Variants in PIK3C2A observed in about 807,000 individuals in gnomAD.
PIK3C2A encodes phosphatidylinositol 4-phosphate 3-kinase C2 domain-containing subunit alpha.
A neutral mutation model predicts 204.5 loss-of-function variants in PIK3C2A; 97 were observed. The ratio of observed to expected loss-of-function variants is 0.47; its 90% CI spans 0.40 to 0.56. PIK3C2A has a LOEUF of 0.56. Ranked by LOEUF, PIK3C2A falls within the 20% of genes least tolerant of loss-of-function variation. The probability of loss-of-function intolerance (pLI) is 0.00; values close to 1 mark genes in which losing one functional copy is unlikely to be tolerated. For synonymous variants in PIK3C2A, 653 were observed against 664.4 expected (o/e 0.98, Z 0.26); for missense variants, 1,735 against 1,969.2 (o/e 0.88, Z 2.25).
chr11:17,117,197 T>C (rs1309705340), intron 19 of PIK3C2A, among the ~76,000 whole-genome samples: 1 of 152,082 alleles, frequency 6.6e-6, no homozygotes, highest in Non-Finnish European at 1.5e-5. Context: ...GTGATGAAAA[T>C]ACTGTGGACT....
chr11:17,163,427 G>A (rs907429915), intron 2 of PIK3C2A, among the ~76,000 whole-genome samples: 2 of 152,062 alleles, frequency 1.3e-5, no homozygotes, highest in Non-Finnish European at 2.9e-5. Context: ...TAGACACAGG[G>A]TCTCATTCTG....
chr11:17,157,086 G>A (rs1464819257), intron 2 of PIK3C2A, among the ~76,000 whole-genome samples: 4 of 152,170 alleles, frequency 2.6e-5, no homozygotes, highest in African/African-American at 7.2e-5. Flanking sequence ...GCTCCCATTT[G>A]CACCTAGCAT....
chr11:17,185,790 A>G (rs1851732086), intron 1 of PIK3C2A, among the ~76,000 whole-genome samples: 1 of 152,118 alleles, frequency 6.6e-6, no homozygotes, highest in Admixed American at 6.5e-5. Context: ...CCAATTAATC[A>G]TCATCTCTTG....
intron 22 of PIK3C2A, among the ~76,000 whole-genome samples, chr11:17,106,210 G>C (rs1848810827): frequency 6.6e-6 from 1 of 151,584 alleles, no homozygotes; most frequent in Non-Finnish European, 1.5e-5. Context: ...TCAGGAGTTT[G>C]AGACCATCCT....
chr11:17,136,678 A>G (rs965130843), intron 8 of PIK3C2A, 53 bp from the exon 9 acceptor site: 6 of 1,007,520 alleles, frequency 6.0e-6, no homozygotes, highest in Non-Finnish European at 8.7e-6. Context: ...TAAAGGACCA[A>G]TTCCAGAGAC....
At chr11:17,120,210 A>G (rs1207216918) in intron 15 of PIK3C2A, among the ~76,000 whole-genome samples, 1 of 152,172 alleles carries the variant, frequency 6.6e-6, no homozygotes, top group Non-Finnish European at 1.5e-5. Context: ...TAGGAAAATG[A>G]AGGATAATTC....
At chr11:17,199,744 G>A (rs1166113863) in intron 1 of PIK3C2A, among the ~76,000 whole-genome samples, 1 of 152,110 alleles carries the variant, frequency 6.6e-6, no homozygotes, top group Non-Finnish European at 1.5e-5. Flanking sequence ...GGCCAACATG[G>A]TGAAACCCTG....
intron 24 of PIK3C2A, among the ~76,000 whole-genome samples, chr11:17,101,835 C>A (rs1487603679): frequency 1.3e-5 from 2 of 151,810 alleles, no homozygotes; most frequent in Non-Finnish European, 1.5e-5. Flanking sequence ...GATCTCCTGA[C>A]CTTGTGATCC....
In PIK3C2A at chr11:17,157,504, G is replaced by T. The variant is rs1380440091; in HGVS notation, c.1066-1875C>A. Among the ~76,000 whole-genome samples, 4 of 150,356 alleles carry T rather than the reference G, an allele frequency of 2.7e-5. No homozygotes were observed. The East Asian group carries it at 7.7e-4, about 29-fold the overall frequency. ...AAATTCAAAGAGAAATGTTTTTGCA[G>T]CCTCTTGGTCTGCAAACATCGTTAT... On this transcript the variant is annotated intron_variant, in intron 2 of 32. Coordinates refer to ENST00000691414, the MANE Select transcript of PIK3C2A (RefSeq NM_002645.4).
chr11:17,124,820 G>C (rs1849472661), intron 13 of PIK3C2A, among the ~76,000 whole-genome samples: 1 of 152,038 alleles, frequency 6.6e-6, no homozygotes, highest in Admixed American at 6.6e-5. Context: ...TTTATTTGTT[G>C]ATGATACCAG....
Position 17,122,710 on chromosome 11 carries a change from C to T in PIK3C2A, c.2503G>A (p.Val835Met). The T allele has an allele frequency of 7.3e-7, 1 of 1,367,864 alleles. No individual in the cohort carries two copies. Among genetic ancestry groups the T allele is most frequent in the Non-Finnish European group, 1.0e-6 (1 of 960,076 alleles). The allele number at this position is 1,367,864 out of a possible 1,614,324, so 84.7% of individuals were successfully genotyped here. Residue 835 changes from valine (V) to methionine (M), a missense_variant, in exon 14 of 33, where the codon GTG becomes ATG. Transcript: ENST00000691414. ...TCAAGAAGTACCATTACCTGTAGCACTATTCTTTCCATGACATATCCTTTT... is the reference window on the plus strand; with the variant it reads ...TCAAGAAGTACCATTACCTGTAGCATTATTCTTTCCATGACATATCCTTTT... The part of the protein sequence containing the change: ...TKKGYVMERI[V>M]LQVDFPSPAF...
intron 25 of PIK3C2A, 102 bp from the exon 26 acceptor site, chr11:17,100,071 A>G: frequency 1.6e-6 from 1 of 644,678 alleles, no homozygotes; most frequent in Non-Finnish European, 2.8e-6. Flanking sequence ...AAAGCAAACA[A>G]AAATAATCAG....
chr11:17,193,561 G>A (rs1220965063), intron 1 of PIK3C2A: 5 of 419,254 alleles, frequency 1.2e-5, no homozygotes, highest in Non-Finnish European at 1.9e-5. Flanking sequence ...AAGAAACTGC[G>A]ATCAAGCCAG....
chr11:17,173,562 A>G (rs180824846), intron 1 of PIK3C2A, among the ~76,000 whole-genome samples: 79 of 152,324 alleles, frequency 5.2e-4, no homozygotes, highest in Middle Eastern at 3.4e-3. Context: ...CCCAAAGCCA[A>G]CCTTTCATTT....
At position 17,169,519 on chromosome 11, in the gene PIK3C2A, G is replaced by A; in HGVS notation, c.223C>T (p.Leu75Phe). The stretch of plus-strand genomic sequence containing the variant: ...GAATCTGATTCAGGAAACACCATGA[G>A]ATCATAATCCTGCTTGTTATAAACC... ...AQVYNKQDYD[L>F]MVFPESDSQK... Residue 75 changes from leucine (L) to phenylalanine (F), a missense_variant, in exon 2 of 33, where the codon CTC (leucine) becomes TTC (phenylalanine). Coordinates refer to ENST00000691414, the MANE Select transcript of PIK3C2A (RefSeq NM_002645.4). 3 of 1,614,032 alleles carry A rather than the reference G, an allele frequency of 1.9e-6. No homozygotes were observed. The highest frequency in any genetic ancestry group is 2.5e-6 in the Non-Finnish European group (3 of 1,179,936).
chr11:17,156,496 C>A (rs1850598052), intron 2 of PIK3C2A, among the ~76,000 whole-genome samples: 1 of 152,130 alleles, frequency 6.6e-6, no homozygotes, highest in South Asian at 2.1e-4. Context: ...AGGTGATCCA[C>A]CTCAGCCTCC....
chr11:17,101,295 GA>G lies in PIK3C2A; in HGVS notation c.3990del (p.Asn1332ThrfsTer5). ...YNLIRKQTNL[F>X]LNLLSLMIPS... ...ATAGTTACCAGTGAAAGGAGGTTAA[GA>G]AAAAGGTTTGTCTGCTTTCTTATCA... On this transcript the variant is annotated frameshift_variant, in exon 25 of 33. Transcript: ENST00000691414. LOFTEE classifies it high-confidence loss of function. The G allele has an allele frequency of 1.3e-6, 2 of 1,548,442 alleles. No individual in the cohort carries two copies. Among genetic ancestry groups the G allele is most frequent in the Non-Finnish European group, 1.8e-6 (2 of 1,134,712 alleles).
At chr11:17,185,613 T>C (rs1851727141) in intron 1 of PIK3C2A, among the ~76,000 whole-genome samples, 1 of 152,202 alleles carries the variant, frequency 6.6e-6, no homozygotes, top group African/African-American at 2.4e-5. Context: ...TATGCATAGG[T>C]AGTAAATTTA....
At chr11:17,153,721 T>C (rs1388778567) in intron 3 of PIK3C2A, among the ~76,000 whole-genome samples, 1 of 152,188 alleles carries the variant, frequency 6.6e-6, no homozygotes, top group African/African-American at 2.4e-5. Flanking sequence ...TAAACAAATA[T>C]CATTCTGACA....
Sources: gnomAD v4.1 joint callset for allele counts (sites outside exome capture counted in the v4.1 genomes callset) on GRCh38, gnomAD v4.1.1 for gene constraint, MANE v1.5 for transcripts, NCBI Gene and HGNC (gene_info 2026-07-23, HGNC 2026-07-21) for gene names.